The following KCNH1 variants were observed in gnomAD, a reference collection of about 807,000 sequenced individuals.
The protein encoded by KCNH1 is voltage-gated delayed rectifier potassium channel KCNH1.
Under a neutral mutation model 69.2 loss-of-function variants are expected in KCNH1, and 27 were observed. The observed-to-expected ratio is 0.39, with a 90% confidence interval of 0.29 to 0.54. The LOEUF (loss-of-function observed/expected upper bound fraction) is 0.54, where lower values mean the gene tolerates loss of function less well. Among genes scored for constraint, KCNH1 ranks in the 20% least tolerant of loss-of-function variants. KCNH1 has a pLI of 0.68. For missense variants in KCNH1, 798 were observed against 1,261.6 expected (o/e 0.63, Z 5.57); for synonymous variants, 456 against 487.7 (o/e 0.93, Z 0.86).
chr1:210,742,834 G>A (rs1165071965), intron 10 of KCNH1, among the ~76,000 whole-genome samples: 1 of 151,946 alleles, frequency 6.6e-6, no homozygotes, highest in East Asian at 1.9e-4. Context: ...CTCAGTTCAT[G>A]GTGTGTGTCT....
chr1:210,771,964 T>C (rs1683761475), intron 10 of KCNH1, among the ~76,000 whole-genome samples: 1 of 152,190 alleles, frequency 6.6e-6, no homozygotes, highest in Admixed American at 6.5e-5. Context: ...GGCAACAGTT[T>C]CTTCCTGAGT....
At chr1:210,853,924 C>T (rs1316983126) in intron 7 of KCNH1, among the ~76,000 whole-genome samples, 2 of 88,446 alleles carry the variant, frequency 2.3e-5, no homozygotes, top group Admixed American at 1.7e-4. Flanking sequence ...ATATGCCTAG[C>T]AGTAAAAGCA....
In KCNH1 at chr1:210,856,877, C is replaced by CTATATATATATATATATATATATATA. The variant is rs150446990; in HGVS notation, c.1463-52712_1463-52711insTATATATATATATATATATATATATA. 6.8e-4 allele frequency among the ~76,000 whole-genome samples: 69 copies of CTATATATATATATATATATATATATA among 101,666 alleles called. 1 individual carries two copies. Among genetic ancestry groups the CTATATATATATATATATATATATATA allele is most frequent in the African/African-American group, 1.2e-3 (33 of 28,252 alleles). The allele number at this position is 101,666 out of a possible 152,430, so 66.7% of individuals were successfully genotyped here. ...TAACCCACTATATATATATAACCCA[C>CTATATATATATATATATATATATATA]TATATATATATATATATATATAAAA... is the stretch of plus-strand genomic sequence containing the variant. On this transcript the variant is annotated intron_variant, in intron 7 of 10. Coordinates refer to ENST00000271751, the MANE Select transcript of KCNH1 (RefSeq NM_172362.3).
chr1:211,087,635 ACACG>A (rs1186122353), intron 4 of KCNH1, among the ~76,000 whole-genome samples: 6 of 29,292 alleles, frequency 2.0e-4, no homozygotes, highest in African/African-American at 3.1e-4. Context: ...ACACACACAC[ACACG>A]CACACACACA....
rs140157810 is a variant in KCNH1 at position 211,032,750 on chromosome 1, C to T, written c.559-13494G>A. 4.6e-3 allele frequency among the ~76,000 whole-genome samples: 707 copies of T among 152,232 alleles called. 17 individuals are homozygous for T. Among genetic ancestry groups the T allele is most frequent in the Admixed American group, 0.029 (448 of 15,296 alleles). On this transcript the variant is annotated intron_variant, in intron 5 of 10. Transcript: ENST00000271751. The stretch of plus-strand genomic sequence containing the variant: ...CTGGATCCCTTCCTTACACCTTATA[C>T]GAACATTAATTCAAGATGGATTAAA...
At chr1:210,941,093 C>T (rs1687867771) in intron 6 of KCNH1, among the ~76,000 whole-genome samples, 1 of 152,134 alleles carries the variant, frequency 6.6e-6, no homozygotes, top group Non-Finnish European at 1.5e-5. Context: ...GCTCTGGATA[C>T]AGAACAGCAC....
chr1:210,943,389 C>T (rs1179277953), intron 6 of KCNH1, among the ~76,000 whole-genome samples: 1 of 151,804 alleles, frequency 6.6e-6, no homozygotes, highest in Admixed American at 6.6e-5. Flanking sequence ...CTCTCTGTTG[C>T]CCAGGCTGGA....
chr1:211,094,907 C>A (rs550809387), intron 3 of KCNH1, among the ~76,000 whole-genome samples: 2 of 152,206 alleles, frequency 1.3e-5, no homozygotes, highest in Non-Finnish European at 2.9e-5. Context: ...TGAAATATAA[C>A]TTAAAGATTC....
chr1:211,003,503 GT>G (rs1689226209), intron 6 of KCNH1, among the ~76,000 whole-genome samples: 1 of 152,090 alleles, frequency 6.6e-6, no homozygotes, highest in African/African-American at 2.4e-5. Flanking sequence ...GGCTTCTGCT[GT>G]TACTAGCTCC....
At chr1:210,882,923 A>G (rs1171603103) in intron 7 of KCNH1, among the ~76,000 whole-genome samples, 6 of 152,234 alleles carry the variant, frequency 3.9e-5, no homozygotes, top group Non-Finnish European at 5.9e-5. Flanking sequence ...AATCATTAAT[A>G]CATAGTAAAA....
chr1:211,098,888 C>T (rs1411490873), intron 3 of KCNH1, among the ~76,000 whole-genome samples: 1 of 152,186 alleles, frequency 6.6e-6, no homozygotes, highest in African/African-American at 2.4e-5. Context: ...CACTCACATT[C>T]TGTATGAGGA....
intron 10 of KCNH1, among the ~76,000 whole-genome samples, chr1:210,716,001 C>T (rs989844844): frequency 1.3e-5 from 2 of 152,080 alleles, no homozygotes; most frequent in East Asian, 1.9e-4. Context: ...GGAAACAGTC[C>T]CTCAGAGAAG....
At chr1:210,749,212 A>G (rs1319027396) in intron 10 of KCNH1, among the ~76,000 whole-genome samples, 2 of 152,154 alleles carry the variant, frequency 1.3e-5, no homozygotes, top group African/African-American at 4.8e-5. Context: ...CCTTGGCTGG[A>G]TGGGAAAGCT....
chr1:211,034,947 G>C (rs115432901), intron 5 of KCNH1, among the ~76,000 whole-genome samples: 2,474 of 152,244 alleles, frequency 0.016, 26 homozygotes, highest in Non-Finnish European at 0.025. Flanking sequence ...GTGACAGTTT[G>C]ATATAATCTA....
intron 10 of KCNH1, among the ~76,000 whole-genome samples, chr1:210,772,596 T>C (rs1316430132): frequency 1.3e-5 from 2 of 152,040 alleles, no homozygotes; most frequent in African/African-American, 2.4e-5. Context: ...CAGACTCATA[T>C]ATAGTCACTT....
At chr1:210,996,171 G>A (rs12122248) in intron 6 of KCNH1, among the ~76,000 whole-genome samples, 6,730 of 152,220 alleles carry the variant, frequency 0.044, 250 homozygotes, top group East Asian at 0.18. Context: ...TGCACGAGCC[G>A]AAGCAGGGTG....
intron 10 of KCNH1, among the ~76,000 whole-genome samples, chr1:210,727,989 C>G (rs114901102): frequency 0.079 from 11,986 of 152,276 alleles, 644 homozygotes; most frequent in Middle Eastern, 0.12. Flanking sequence ...GGTTCTAACC[C>G]TGTGTTCTCT....
intron 10 of KCNH1, among the ~76,000 whole-genome samples, chr1:210,732,115 C>G (rs776724522): frequency 6.6e-6 from 1 of 151,898 alleles, no homozygotes; most frequent in African/African-American, 2.4e-5. Flanking sequence ...ATAACACTAG[C>G]TGCAACCCCC....
At chr1:211,040,216 G>A (rs1440590402) in intron 5 of KCNH1, among the ~76,000 whole-genome samples, 1 of 151,884 alleles carries the variant, frequency 6.6e-6, no homozygotes, top group Non-Finnish European at 1.5e-5. Context: ...AAGACTTCGG[G>A]GGACTGTTGG....
Sources: gnomAD v4.1 joint callset for allele counts (sites outside exome capture counted in the v4.1 genomes callset) on GRCh38, gnomAD v4.1.1 for gene constraint, MANE v1.5 for transcripts, NCBI Gene and HGNC (gene_info 2026-07-23, HGNC 2026-07-21) for gene names.